The following NR5A2 variants were observed in gnomAD, a reference collection of about 807,000 sequenced individuals.
The protein encoded by NR5A2 is CYP7A promoter-binding factor.
A neutral mutation model predicts 62.7 loss-of-function variants in NR5A2; 26 were observed. The observed-to-expected ratio is 0.41, with a 90% CI of 0.30 to 0.58. The LOEUF (loss-of-function observed/expected upper bound fraction) is 0.58. Among genes scored for constraint, NR5A2 ranks in the 20% least tolerant of loss-of-function variants. The pLI is 0.22. For missense variants in NR5A2, 541 were observed against 669.1 expected, an observed-to-expected ratio of 0.81 and a Z score of 2.11; for synonymous variants, 246 against 241.7, an observed-to-expected ratio of 1.02 and a Z score of -0.16.
chr1:200,057,221 T>C (rs958382591), intron 5 of NR5A2, among the ~76,000 whole-genome samples: 2 of 152,094 alleles, frequency 1.3e-5, no homozygotes, highest in East Asian at 3.9e-4. Context: ...CTAGGTCATA[T>C]GGTAAAGGAG....
intron 1 of NR5A2, 58 bp downstream of exon 1, chr1:200,027,969 T>G (rs1661405562): frequency 3.3e-6 from 4 of 1,220,202 alleles, no homozygotes; most frequent in Middle Eastern, 2.0e-4. Flanking sequence ...TACATATAAT[T>G]TAATCTTGTT....
chr1:200,123,941 A>G (rs1222246562), intron 7 of NR5A2, among the ~76,000 whole-genome samples: 1 of 151,722 alleles, frequency 6.6e-6, no homozygotes, highest in East Asian at 1.9e-4. Flanking sequence ...AGCTGGGATT[A>G]CAGGTGCCTG....
At position 200,133,524 on chromosome 1, in the gene NR5A2, T is replaced by TATATATATATATATAC. The variant is rs1558158977; in HGVS notation, c.1378+12572_1378+12573insTATATATATATACATA. 6.2e-5 allele frequency among the ~76,000 whole-genome samples: 6 copies of TATATATATATATATAC among 96,874 alleles called. No individual in the cohort carries two copies. The East Asian group carries it at 1.3e-3, about 21-fold the overall frequency. The allele number at this position is 96,874 out of a possible 152,430, so 63.6% of individuals were successfully genotyped here. Reference sequence around the variant, plus strand: ...GATGGACTATATATATATATATATATATACACACACATATATATATATACA... The same window carrying TATATATATATATATAC: ...GATGGACTATATATATATATATATATATATATATATATATACATACACACACATATATATATATACA... On this transcript the variant is annotated intron_variant, in intron 7 of 7. Coordinates refer to ENST00000367362, the MANE Select transcript of NR5A2 (RefSeq NM_205860.3).
intron 5 of NR5A2, among the ~76,000 whole-genome samples, chr1:200,084,259 A>C (rs1459397508): frequency 5.3e-5 from 8 of 152,140 alleles, no homozygotes; most frequent in Non-Finnish European, 1.2e-4. Flanking sequence ...AAGCTAGCCT[A>C]ATCTTAGCAA....
chr1:200,074,436 GAGAA>G (rs544450643), intron 5 of NR5A2, among the ~76,000 whole-genome samples: 1 of 150,878 alleles, frequency 6.6e-6, no homozygotes, highest in East Asian at 2.0e-4. Context: ...ACAAGAAAGA[GAGAA>G]AGAAAGAAGA....
At chr1:200,146,387 A>G (rs1169230932) in intron 7 of NR5A2, among the ~76,000 whole-genome samples, 1 of 152,228 alleles carries the variant, frequency 6.6e-6, no homozygotes, top group Non-Finnish European at 1.5e-5. Flanking sequence ...AACTACTGTC[A>G]GAAATTTTCT....
chr1:200,114,174 C>A (rs868438414), intron 6 of NR5A2, among the ~76,000 whole-genome samples: 1 of 102,512 alleles, frequency 9.8e-6, no homozygotes, highest in Non-Finnish European at 2.0e-5. Context: ...CAGAGCAAGA[C>A]GCCATCTCAA....
chr1:200,113,543 A>C (rs1244941375), intron 6 of NR5A2, among the ~76,000 whole-genome samples: 1 of 152,238 alleles, frequency 6.6e-6, no homozygotes, highest in African/African-American at 2.4e-5. Flanking sequence ...AGAATGAGAC[A>C]GATATCTTAA....
At chr1:200,047,457 G>A (rs1411514346) in intron 4 of NR5A2, among the ~76,000 whole-genome samples, 2 of 152,086 alleles carry the variant, frequency 1.3e-5, no homozygotes, top group Non-Finnish European at 2.9e-5. Flanking sequence ...GGGTAACTCA[G>A]TTCCACACCC....
Position 200,160,712 on chromosome 1 carries a change from G to A in NR5A2, c.1379-13251G>A, listed in dbSNP as rs181823362. 4.9e-4 allele frequency among the ~76,000 whole-genome samples: 74 copies of A among 151,516 alleles called. 2 individuals carry two copies. In the East Asian group the frequency reaches 0.014, roughly 28 times the overall value. On this transcript the variant is annotated intron_variant, in intron 7 of 7. Transcript: ENST00000367362. Reference sequence around the variant, plus strand: ...TCCTCATTCGATTAGCTGGAAAGCTGAATTTATCCCGAGGCAAACCAGACA... The same window carrying A: ...TCCTCATTCGATTAGCTGGAAAGCTAAATTTATCCCGAGGCAAACCAGACA...
At chr1:200,037,299 T>C (rs1018302881) in intron 1 of NR5A2, among the ~76,000 whole-genome samples, 1 of 152,038 alleles carries the variant, frequency 6.6e-6, no homozygotes, top group East Asian at 1.9e-4. Context: ...CTTTCAACTC[T>C]CCTAACTTCC....
In NR5A2 at chr1:200,174,304, C is replaced by A; in HGVS notation, c.*94C>A. ...ACAGGAAGAAAAAAAGTACTCTGAA[C>A]TGCTCCAAGTAACGCTAATTAAAAA... On this transcript the variant is annotated 3_prime_UTR_variant, in exon 8 of 8. Coordinates refer to ENST00000367362, the MANE Select transcript of NR5A2 (RefSeq NM_205860.3). 7.5e-7 allele frequency: 1 copy of A among 1,338,612 alleles called. No homozygotes were observed. Among genetic ancestry groups the A allele is most frequent in the Non-Finnish European group, 9.8e-7 (1 of 1,017,240 alleles). 82.9% of individuals were successfully genotyped at this position (1,338,612 alleles called of 1,614,324 possible).
At chr1:200,075,735 C>G (rs1258509465) in intron 5 of NR5A2, among the ~76,000 whole-genome samples, 1 of 152,210 alleles carries the variant, frequency 6.6e-6, no homozygotes, top group Non-Finnish European at 1.5e-5. Context: ...CTCCCAGCAG[C>G]TCTTTGCCCT....
chr1:200,123,887 C>T (rs150303029), intron 7 of NR5A2, among the ~76,000 whole-genome samples: 5,563 of 151,596 alleles, frequency 0.037, 121 homozygotes, highest in East Asian at 0.063. Flanking sequence ...CCACAACCTC[C>T]GCCTCCTGGG....
intron 5 of NR5A2, among the ~76,000 whole-genome samples, chr1:200,077,260 A>T (rs985910333): frequency 2.6e-5 from 4 of 152,256 alleles, no homozygotes; most frequent in Non-Finnish European, 5.9e-5. Context: ...ACAAAATCTG[A>T]CTTTTAAACA....
chr1:200,152,001 C>T (rs1653151411), intron 7 of NR5A2, among the ~76,000 whole-genome samples: 1 of 152,172 alleles, frequency 6.6e-6, no homozygotes, highest in African/African-American at 2.4e-5. Context: ...TCTTTCCAAG[C>T]ACATGTTGGA....
intron 5 of NR5A2, among the ~76,000 whole-genome samples, chr1:200,089,357 C>T (rs1042982140): frequency 3.3e-5 from 5 of 151,852 alleles, no homozygotes; most frequent in Non-Finnish European, 5.9e-5. Flanking sequence ...GACTGGGTTT[C>T]GCCACTTTGG....
chr1:200,089,593 C>T (rs1178421266), intron 5 of NR5A2, among the ~76,000 whole-genome samples: 1 of 152,216 alleles, frequency 6.6e-6, no homozygotes, highest in African/African-American at 2.4e-5. Flanking sequence ...CCTCAGCCTC[C>T]TGAGTAGCTG....
At chr1:200,029,013 C>A in intron 1 of NR5A2, 1 of 437,622 alleles carries the variant, frequency 2.3e-6, no homozygotes. Flanking sequence ...GGGTGTAACA[C>A]ACAATCAATT....
Sources: gnomAD v4.1 joint callset for allele counts (sites outside exome capture counted in the v4.1 genomes callset) on GRCh38, gnomAD v4.1.1 for gene constraint, MANE v1.5 for transcripts, NCBI Gene and HGNC (gene_info 2026-07-23, HGNC 2026-07-21) for gene names.